TACR3: variants seen among roughly 807,000 people sequenced by gnomAD.
TACR3 encodes the protein neuromedin-K receptor.
In TACR3, 34 loss-of-function variants were observed where a neutral mutation model predicts 35.0. The observed-to-expected ratio is 0.97, with a 90% CI of 0.74 to 1.30. The LOEUF (loss-of-function observed/expected upper bound fraction) is 1.30. Among genes scored for constraint, TACR3 ranks in the 50% most tolerant of loss-of-function variants. The pLI, the probability that TACR3 is intolerant of heterozygous loss-of-function variation, is 0.00. For missense variants in TACR3, 558 were observed against 591.7 expected, an observed-to-expected ratio of 0.94 and a Z score of 0.59; for synonymous variants, 233 against 221.1, an observed-to-expected ratio of 1.05 and a Z score of -0.48.
chr4:103,702,913 A>C (rs1341983354), intron 1 of TACR3, among the ~76,000 whole-genome samples: 1 of 80,660 alleles, frequency 1.2e-5, no homozygotes, highest in East Asian at 4.5e-4. Context: ...GGGTGGGGGG[A>C]GGGGGGAGGG....
intron 3 of TACR3, among the ~76,000 whole-genome samples, chr4:103,633,394 C>A (rs1263565846): frequency 1.4e-5 from 2 of 144,314 alleles, no homozygotes; most frequent in African/African-American, 2.5e-5. Context: ...TGCTGCAAAT[C>A]AATTTATTTT....
chr4:103,703,990 G>A (rs1722724974), intron 1 of TACR3, among the ~76,000 whole-genome samples: 2 of 151,112 alleles, frequency 1.3e-5, no homozygotes, highest in Non-Finnish European at 2.9e-5. Context: ...TCTAGTCCCA[G>A]CTATGCAGGA....
chr4:103,602,806 G>A (rs1036966894), intron 3 of TACR3, among the ~76,000 whole-genome samples: 1 of 152,196 alleles, frequency 6.6e-6, no homozygotes, highest in Admixed American at 6.5e-5. Flanking sequence ...CCTACTGGAG[G>A]GTGCCTCCCA....
At chr4:103,686,628 A>G (rs1722248012) in intron 1 of TACR3, among the ~76,000 whole-genome samples, 1 of 152,198 alleles carries the variant, frequency 6.6e-6, no homozygotes, top group Non-Finnish European at 1.5e-5. Flanking sequence ...AGAAAATTAT[A>G]ACACATGAAA....
chr4:103,594,764 C>A (rs1723970344), intron 3 of TACR3, among the ~76,000 whole-genome samples: 1 of 152,110 alleles, frequency 6.6e-6, no homozygotes, highest in Non-Finnish European at 1.5e-5. Context: ...CTTCAGATAG[C>A]TTTTAACTCA....
chr4:103,692,840 G>T (rs1052969618), intron 1 of TACR3, among the ~76,000 whole-genome samples: 2 of 152,130 alleles, frequency 1.3e-5, no homozygotes, highest in African/African-American at 4.8e-5. Context: ...CTAAGGGAGA[G>T]TCATTGCCCA....
chr4:103,701,688 G>C (rs1420305036), intron 1 of TACR3, among the ~76,000 whole-genome samples: 3 of 152,078 alleles, frequency 2.0e-5, no homozygotes, highest in Non-Finnish European at 4.4e-5. Context: ...CATGGTACTG[G>C]TACCAAAACA....
rs1435259889 is a variant in TACR3 at position 103,588,067 on chromosome 4, T to C, written c.*1615A>G. On this transcript the variant is annotated 3_prime_UTR_variant, in exon 5 of 5. Transcript: ENST00000304883. ...ACACATATGTTTAGCTTGTTTAGACTCCGAACTTTTTGTAACAATTGGATA... is the reference window on the plus strand; with the variant it reads ...ACACATATGTTTAGCTTGTTTAGACCCCGAACTTTTTGTAACAATTGGATA... 1.3e-5 allele frequency: 2 copies of C among 151,966 alleles called. No individual in the cohort carries two copies. The highest frequency in any genetic ancestry group is 2.9e-5 in the Non-Finnish European group (2 of 67,954). The allele number at this position is 151,966 out of a possible 1,614,324, so 9.4% of individuals were successfully genotyped here.
intron 1 of TACR3, among the ~76,000 whole-genome samples, chr4:103,682,365 G>A (rs1722118662): frequency 6.6e-6 from 1 of 152,124 alleles, no homozygotes; most frequent in Non-Finnish European, 1.5e-5. Flanking sequence ...CCACATGGTT[G>A]GGGAGGACTC....
chr4:103,604,571 C>T (rs892949840), intron 3 of TACR3, among the ~76,000 whole-genome samples: 2 of 152,078 alleles, frequency 1.3e-5, no homozygotes, highest in African/African-American at 4.8e-5. Context: ...AGCTTCTGCA[C>T]AGCAAAAGAA....
At chr4:103,683,032 A>G (rs1346984323) in intron 1 of TACR3, among the ~76,000 whole-genome samples, 1 of 152,170 alleles carries the variant, frequency 6.6e-6, no homozygotes, top group Non-Finnish European at 1.5e-5. Context: ...TCTTTACTCA[A>G]TGGGAGGCTA....
chr4:103,619,438 C>T (rs7698769), intron 3 of TACR3, among the ~76,000 whole-genome samples: 33,157 of 152,066 alleles, frequency 0.22, 3,838 homozygotes, highest in Middle Eastern at 0.33. Flanking sequence ...GATCTGCCCA[C>T]CTCAGCCTCC....
chr4:103,615,746 GT>G (rs1259491208), intron 3 of TACR3, among the ~76,000 whole-genome samples: 3 of 152,020 alleles, frequency 2.0e-5, no homozygotes, highest in African/African-American at 7.3e-5. Context: ...TTCTTAAACA[GT>G]AAAAAAGTAC....
chr4:103,634,941 G>C (rs1725147873), intron 3 of TACR3, among the ~76,000 whole-genome samples: 1 of 152,038 alleles, frequency 6.6e-6, no homozygotes, highest in Non-Finnish European at 1.5e-5. Context: ...ATTGTTGGGA[G>C]TGTAAAATAA....
At chr4:103,687,245 C>T (rs1397907057) in intron 1 of TACR3, among the ~76,000 whole-genome samples, 5 of 152,076 alleles carry the variant, frequency 3.3e-5, no homozygotes, top group Non-Finnish European at 5.9e-5. Context: ...TGGGACGTAT[C>T]TCAAAATAAT....
chr4:103,639,626 A>C (rs1308118747), intron 3 of TACR3, among the ~76,000 whole-genome samples: 2 of 151,960 alleles, frequency 1.3e-5, no homozygotes, highest in Non-Finnish European at 2.9e-5. Context: ...AAATCAGTTG[A>C]CCACAAAAAA....
intron 1 of TACR3, among the ~76,000 whole-genome samples, chr4:103,690,403 T>G (rs28861429): frequency 0.03 from 4,606 of 152,128 alleles, 230 homozygotes; most frequent in African/African-American, 0.1. Context: ...GACAAAAAGT[T>G]ACTAGAGACA....
intron 3 of TACR3, among the ~76,000 whole-genome samples, chr4:103,630,175 T>C (rs539026292): frequency 5.9e-5 from 9 of 152,158 alleles, no homozygotes; most frequent in Non-Finnish European, 1.3e-4. Flanking sequence ...TTACACCTTA[T>C]ACAAAAATTA....
At chr4:103,613,297 A>G (rs1006313941) in intron 3 of TACR3, among the ~76,000 whole-genome samples, 1 of 152,220 alleles carries the variant, frequency 6.6e-6, no homozygotes, top group Non-Finnish European at 1.5e-5. Flanking sequence ...CAGCTTTCTC[A>G]CATACCTATA....
Sources: gnomAD v4.1 joint callset for allele counts (sites outside exome capture counted in the v4.1 genomes callset) on GRCh38, gnomAD v4.1.1 for gene constraint, MANE v1.5 for transcripts, NCBI Gene and HGNC (gene_info 2026-07-23, HGNC 2026-07-21) for gene names.